MTHFD2L: variants seen among roughly 807,000 people sequenced by gnomAD.
The protein encoded by MTHFD2L is methylenetetrahydrofolate dehydrogenase (NADP+ dependent) 2 like, also known as bifunctional methylenetetrahydrofolate dehydrogenase/cyclohydrolase 2, mitochondrial.
MTHFD2L carries 29 observed loss-of-function variants against 34.9 expected under a neutral mutation model. The ratio of observed to expected loss-of-function variants is 0.83; its 90% CI spans 0.62 to 1.13. The LOEUF is 1.13. MTHFD2L is among the 50% of genes most tolerant of loss of function. MTHFD2L has a pLI of 0.00. For synonymous variants in MTHFD2L, 167 were observed against 155.7 expected (o/e 1.07, Z -0.54); for missense variants, 481 against 446.5 (o/e 1.08, Z -0.70).
At chr4:74,166,821 G>T (rs1348562749) in intron 1 of MTHFD2L, among the ~76,000 whole-genome samples, 4 of 152,180 alleles carry the variant, frequency 2.6e-5, no homozygotes, top group Non-Finnish European at 4.4e-5. Context: ...TACCAGGTCA[G>T]CTTCCATTAA....
chr4:74,228,358 G>A (rs1400243983), intron 6 of MTHFD2L, among the ~76,000 whole-genome samples: 9 of 152,154 alleles, frequency 5.9e-5, no homozygotes, highest in South Asian at 2.1e-4. Flanking sequence ...ATCTTTGTCC[G>A]TTTCTAACCT....
intron 1 of MTHFD2L, among the ~76,000 whole-genome samples, chr4:74,127,082 T>A (rs1367061620): frequency 6.6e-6 from 1 of 152,034 alleles, no homozygotes; most frequent in African/African-American, 2.4e-5. Flanking sequence ...CATTCTGCCA[T>A]GATTGTAAGT....
intron 5 of MTHFD2L, among the ~76,000 whole-genome samples, chr4:74,223,088 C>G (rs1738495209): frequency 6.6e-6 from 1 of 152,050 alleles, no homozygotes; most frequent in African/African-American, 2.4e-5. Flanking sequence ...ACTGGGTATA[C>G]ACCCAAAGGA....
chr4:74,242,739 C>A (rs1460184052), intron 6 of MTHFD2L, among the ~76,000 whole-genome samples: 1 of 152,142 alleles, frequency 6.6e-6, no homozygotes, highest in East Asian at 1.9e-4. Context: ...TAAGTGTTAA[C>A]ATATTTGAAA....
chr4:74,229,936 G>T (rs893906066), intron 6 of MTHFD2L, among the ~76,000 whole-genome samples: 3 of 152,142 alleles, frequency 2.0e-5, no homozygotes, highest in Non-Finnish European at 2.9e-5. Flanking sequence ...ACTACAGCAG[G>T]TAAAGGCGTG....
intron 3 of MTHFD2L, among the ~76,000 whole-genome samples, chr4:74,189,840 G>T (rs1732156597): frequency 6.6e-6 from 1 of 151,768 alleles, no homozygotes; most frequent in African/African-American, 2.4e-5. Flanking sequence ...AGCTTGAAAT[G>T]ATGACAAAGC....
At chr4:74,130,642 C>G (rs1254275652) in intron 1 of MTHFD2L, among the ~76,000 whole-genome samples, 1 of 152,162 alleles carries the variant, frequency 6.6e-6, no homozygotes, top group Non-Finnish European at 1.5e-5. Context: ...ACTGATTGGG[C>G]AAAAGCTGGA....
At chr4:74,284,282 A>T (rs1315089197) in intron 7 of MTHFD2L, among the ~76,000 whole-genome samples, 1 of 152,164 alleles carries the variant, frequency 6.6e-6, no homozygotes, top group Non-Finnish European at 1.5e-5. Flanking sequence ...CATGCCATTG[A>T]AAGGGCAAAG....
intron 1 of MTHFD2L, among the ~76,000 whole-genome samples, chr4:74,142,479 C>G (rs887529422): frequency 2.6e-5 from 4 of 152,314 alleles, no homozygotes; most frequent in Middle Eastern, 3.4e-3. Context: ...TAGAAGAGGA[C>G]TCTCACCAAA....
intron 3 of MTHFD2L, among the ~76,000 whole-genome samples, chr4:74,175,615 A>G (rs1728878175): frequency 6.6e-6 from 1 of 152,100 alleles, no homozygotes; most frequent in Non-Finnish European, 1.5e-5. Context: ...TTGGCAATAC[A>G]TACACTCCTT....
intron 3 of MTHFD2L, among the ~76,000 whole-genome samples, chr4:74,198,795 C>A (rs1733918305): frequency 6.6e-6 from 1 of 152,088 alleles, no homozygotes; most frequent in African/African-American, 2.4e-5. Context: ...TCCAAAGACT[C>A]AGTTTCTATT....
At position 74,266,880 on chromosome 4, in the gene MTHFD2L, TG is replaced by T. The variant is rs1370435829; in HGVS notation, c.806-14544del. ...TACTAGGGATTGTAAAAAAGTAATT[TG>T]TTTTCTAAATATCAGGCCTCATTTC... On this transcript the variant is annotated intron_variant, in intron 6 of 7. Transcript: ENST00000325278. The T allele has an allele frequency of 2.1e-5, 21 of 985,232 alleles. No homozygotes were observed. The South Asian group carries it at 2.3e-4, about 11-fold the overall frequency. The allele number at this position is 985,232 out of a possible 1,614,324, so 61.0% of individuals were successfully genotyped here.
upstream of MTHFD2L, among the ~76,000 whole-genome samples, chr4:74,155,150 T>C (rs892083913): frequency 6.6e-6 from 1 of 152,196 alleles, no homozygotes; most frequent in Non-Finnish European, 1.5e-5. Flanking sequence ...TCTTCTATTG[T>C]TAGATTTTTA....
intron 6 of MTHFD2L, among the ~76,000 whole-genome samples, chr4:74,233,972 A>G (rs1338090307): frequency 6.6e-6 from 1 of 152,060 alleles, no homozygotes; most frequent in African/African-American, 2.4e-5. Context: ...TCATGAGTAA[A>G]ACAAGCATTG....
intron 7 of MTHFD2L, among the ~76,000 whole-genome samples, chr4:74,285,521 T>G (rs1452854991): frequency 6.6e-6 from 1 of 152,074 alleles, no homozygotes; most frequent in African/African-American, 2.4e-5. Context: ...TTAATTTTGC[T>G]AGTAGTTAGT....
At chr4:74,185,456 CA>C (rs1033311822) in intron 3 of MTHFD2L, among the ~76,000 whole-genome samples, 1 of 151,078 alleles carries the variant, frequency 6.6e-6, no homozygotes, top group Non-Finnish European at 1.5e-5. Flanking sequence ...AACATAAAAA[CA>C]AAAAAAGAAA....
At chr4:74,283,866 C>G (rs1458158827) in intron 7 of MTHFD2L, among the ~76,000 whole-genome samples, 1 of 152,124 alleles carries the variant, frequency 6.6e-6, no homozygotes, top group Non-Finnish European at 1.5e-5. Context: ...ACATGTTGCT[C>G]TTCAAGTTGT....
chr4:74,117,155 T>C (rs1008223180), intron 2 of MTHFD2L, among the ~76,000 whole-genome samples: 6 of 152,170 alleles, frequency 3.9e-5, no homozygotes, highest in Non-Finnish European at 7.3e-5. Flanking sequence ...GGACGGGGCT[T>C]CATAGCCATG....
chr4:74,220,272 T>G (rs1264549301), intron 5 of MTHFD2L, among the ~76,000 whole-genome samples: 4 of 151,910 alleles, frequency 2.6e-5, no homozygotes, highest in Non-Finnish European at 5.9e-5. Flanking sequence ...TCAACATTCT[T>G]GAGGGTTTAT....
Sources: gnomAD v4.1 joint callset for allele counts (sites outside exome capture counted in the v4.1 genomes callset) on GRCh38, gnomAD v4.1.1 for gene constraint, MANE v1.5 for transcripts, NCBI Gene and HGNC (gene_info 2026-07-23, HGNC 2026-07-21) for gene names.